ADAMTS19: variants seen among roughly 807,000 people sequenced by gnomAD.
ADAMTS19 encodes the protein ADAM metallopeptidase with thrombospondin type 1 motif 19, also known as A disintegrin and metalloproteinase with thrombospondin motifs 19.
In ADAMTS19, 93 loss-of-function variants were observed where a neutral mutation model predicts 153.3. The observed-to-expected ratio is 0.61, with a 90% CI of 0.51 to 0.72. ADAMTS19 has a LOEUF of 0.72. ADAMTS19 is among the 30% of genes least tolerant of loss of function. The probability of loss-of-function intolerance (pLI) is 0.00; values close to 1 mark genes in which losing one functional copy is unlikely to be tolerated. For synonymous variants in ADAMTS19, 600 were observed against 556.6 expected, an observed-to-expected ratio of 1.08 and a Z score of -1.10; for missense variants, 1,482 against 1,552.1, an observed-to-expected ratio of 0.95 and a Z score of 0.76.
chr5:129,517,807 A>T lies in ADAMTS19; in HGVS notation c.914-8477A>T, dbSNP rs147884373. 3.6e-3 allele frequency among the ~76,000 whole-genome samples: 550 copies of T among 151,980 alleles called. 4 individuals are homozygous for T. Among genetic ancestry groups the T allele is most frequent in the African/African-American group, 0.013 (532 of 41,512 alleles). ...TTAATGTTATTATTGATAAGTAAGG[A>T]CTTATACTCCTGCCATTTTGTTATT... On this transcript the variant is annotated intron_variant, in intron 3 of 22. Transcript: ENST00000274487.
In ADAMTS19 at chr5:129,720,177, T is replaced by TA. The variant is rs201299187; in HGVS notation, c.3313-14755_3313-14754insA. Reference sequence around the variant, plus strand: ...ATATATATATATATATATATTTATTTTTTTTTTTTTTGGAGACAAAGTCTT... The same window carrying TA: ...ATATATATATATATATATATTTATTTATTTTTTTTTTTGGAGACAAAGTCTT... On this transcript the variant is annotated intron_variant, in intron 21 of 22. Coordinates refer to ENST00000274487, the MANE Select transcript of ADAMTS19 (RefSeq NM_133638.6). Among the ~76,000 whole-genome samples the TA allele has an allele frequency of 6.4e-3, 937 of 145,776 alleles. 14 individuals carry two copies. Among genetic ancestry groups the TA allele is most frequent in the African/African-American group, 0.021 (797 of 38,808 alleles).
chr5:129,704,149 C>T, intron 20 of ADAMTS19, 90 bp from the exon 21 acceptor site: 1 of 1,365,836 alleles, frequency 7.3e-7, no homozygotes, highest in Non-Finnish European at 1.0e-6. Flanking sequence ...GGGCTCATAA[C>T]AGATTATTGG....
intron 7 of ADAMTS19, among the ~76,000 whole-genome samples, chr5:129,590,888 A>G (rs1189846586): frequency 2.6e-5 from 4 of 152,326 alleles, no homozygotes; most frequent in Middle Eastern, 3.4e-3. Flanking sequence ...GTTGGATTGC[A>G]CTGGATCACA....
chr5:129,671,046 T>A (rs1416912707), intron 16 of ADAMTS19, among the ~76,000 whole-genome samples: 1 of 152,194 alleles, frequency 6.6e-6, no homozygotes, highest in Non-Finnish European at 1.5e-5. Flanking sequence ...ATTAAATCAA[T>A]GTTGAAAATA....
At chr5:129,643,378 A>G (rs1752902959) in intron 11 of ADAMTS19, among the ~76,000 whole-genome samples, 1 of 149,172 alleles carries the variant, frequency 6.7e-6, no homozygotes, top group Non-Finnish European at 1.5e-5. Flanking sequence ...AAAAAAAAAA[A>G]AAAAAAAAGA....
chr5:129,636,072 T>C (rs1302969430), intron 10 of ADAMTS19, among the ~76,000 whole-genome samples: 1 of 152,126 alleles, frequency 6.6e-6, no homozygotes, highest in African/African-American at 2.4e-5. Context: ...AATTTTTGTA[T>C]TTTTAGTAGA....
At chr5:129,545,204 C>G (rs1267876980) in intron 6 of ADAMTS19, among the ~76,000 whole-genome samples, 1 of 151,756 alleles carries the variant, frequency 6.6e-6, no homozygotes, top group Non-Finnish European at 1.5e-5. Flanking sequence ...TGGGGGAAAA[C>G]AGTTGATTTG....
At chr5:129,721,110 G>A (rs1756989162) in intron 21 of ADAMTS19, among the ~76,000 whole-genome samples, 1 of 152,104 alleles carries the variant, frequency 6.6e-6, no homozygotes, top group African/African-American at 2.4e-5. Context: ...TAGCCCCTTT[G>A]AATTAAACAC....
chr5:129,619,376 T>A (rs1481981830), intron 8 of ADAMTS19, among the ~76,000 whole-genome samples: 1 of 152,102 alleles, frequency 6.6e-6, no homozygotes, highest in Non-Finnish European at 1.5e-5. Flanking sequence ...AACTCAAGTT[T>A]ATAAATTCCC....
At chr5:129,717,286 A>C (rs1258353147) in intron 21 of ADAMTS19, among the ~76,000 whole-genome samples, 2 of 152,134 alleles carry the variant, frequency 1.3e-5, no homozygotes, top group African/African-American at 4.8e-5. Flanking sequence ...ATATTTAAGC[A>C]TTGTATTTTT....
Position 129,623,932 on chromosome 5 carries a change from A to G in ADAMTS19, c.1770+1584A>G, listed in dbSNP as rs371704245. ...TCAGGAGATCGAGACCATCCTGGCT[A>G]ACACGGTGAAACCCCATCTCTCCTA... On this transcript the variant is annotated intron_variant, in intron 10 of 22. Transcript: ENST00000274487. 5.3e-5 allele frequency among the ~76,000 whole-genome samples: 8 copies of G among 151,772 alleles called. No individual in the cohort carries two copies. The East Asian group carries it at 1.6e-3, about 30-fold the overall frequency.
At chr5:129,683,107 T>TCAG (rs1754899174) in intron 17 of ADAMTS19, among the ~76,000 whole-genome samples, 1 of 152,004 alleles carries the variant, frequency 6.6e-6, no homozygotes, top group Non-Finnish European at 1.5e-5. Flanking sequence ...ATATAGATTG[T>TCAG]TTCCATAGAT....
chr5:129,654,217 C>T (rs1016728240), intron 13 of ADAMTS19, 89 bp from the exon 14 acceptor site: 2 of 1,234,696 alleles, frequency 1.6e-6, no homozygotes, highest in African/African-American at 3.0e-5. Flanking sequence ...ATATTTTTTA[C>T]TCAATAACGA....
chr5:129,472,108 T>C (rs1750087560), intron 2 of ADAMTS19, among the ~76,000 whole-genome samples: 2 of 152,358 alleles, frequency 1.3e-5, no homozygotes, highest in African/African-American at 4.8e-5. Flanking sequence ...ATTTCTGTTT[T>C]CAGGTATTTG....
chr5:129,676,813 G>A (rs1319965959), intron 16 of ADAMTS19, among the ~76,000 whole-genome samples: 1 of 152,222 alleles, frequency 6.6e-6, no homozygotes, highest in Non-Finnish European at 1.5e-5. Context: ...ATTAAATGGT[G>A]TGGATTTGAA....
intron 16 of ADAMTS19, among the ~76,000 whole-genome samples, chr5:129,665,900 A>G (rs1052813435): frequency 7.0e-6 from 1 of 143,582 alleles, no homozygotes; most frequent in Non-Finnish European, 1.5e-5. Flanking sequence ...ATATATATAT[A>G]TATTTCATAA....
intron 2 of ADAMTS19, among the ~76,000 whole-genome samples, chr5:129,474,972 T>G (rs1375884569): frequency 6.6e-6 from 1 of 152,202 alleles, no homozygotes; most frequent in African/African-American, 2.4e-5. Flanking sequence ...GTTCTTTATA[T>G]ACTCTGGATA....
rs377251538 is a variant in ADAMTS19, at chr5:129,516,545, A to T, written c.913+7303A>T. ...CTTGGTAGGTTGTATATATCTAGGA[A>T]TTTGTCCATTTCTTCTACATTTTCC... On this transcript the variant is annotated intron_variant, in intron 3 of 22. Transcript: ENST00000274487. Among the ~76,000 whole-genome samples the T allele has an allele frequency of 1.1e-4, 16 of 151,680 alleles. No homozygotes were observed. In the East Asian group the frequency reaches 3.1e-3, roughly 29 times the overall value.
intron 6 of ADAMTS19, among the ~76,000 whole-genome samples, chr5:129,539,399 C>T (rs1752576404): frequency 6.6e-6 from 1 of 151,994 alleles, no homozygotes; most frequent in Admixed American, 6.6e-5. Context: ...CTGGAAAAGG[C>T]CAGGACATAG....
Sources: gnomAD v4.1 joint callset for allele counts (sites outside exome capture counted in the v4.1 genomes callset) on GRCh38, gnomAD v4.1.1 for gene constraint, MANE v1.5 for transcripts, NCBI Gene and HGNC (gene_info 2026-07-23, HGNC 2026-07-21) for gene names.